The following CSN1S1 variants were observed in gnomAD, a reference collection of about 807,000 sequenced individuals.
The protein encoded by CSN1S1 is casein alpha s1, also known as alpha-S1-casein.
CSN1S1 carries 63 observed loss-of-function variants against 49.1 expected under a neutral mutation model. That is an observed-to-expected ratio of 1.28 (90% CI 1.05 to 1.58). CSN1S1 has a LOEUF of 1.58. Ranked by LOEUF, CSN1S1 falls within the 40% of genes most tolerant of loss-of-function variation. CSN1S1 has a pLI of 0.00. For missense variants in CSN1S1, 260 were observed against 224.7 expected (o/e 1.16, Z -1.01); for synonymous variants, 78 against 67.1 (o/e 1.16, Z -0.79).
rs909021917 is a variant in CSN1S1, at chr4:69,940,029, T to C, written c.285T>C (p.Ser95=). 7.1e-7 allele frequency: 1 copy of C among 1,402,550 alleles called. No individual in the cohort carries two copies. Among genetic ancestry groups the C allele is most frequent in the South Asian group, 1.4e-5 (1 of 70,906 alleles). 86.9% of individuals were successfully genotyped at this position (1,402,550 alleles called of 1,614,324 possible). A position where few individuals can be genotyped will look rare whatever the true frequency, so the allele number is the denominator to read the frequency against. ...SSISSSSEEM[S]LSKCAEQFCR... ...TTTTAATTTTTTTAAAGGAAATGTC[T>C]CTCAGTAAGTGTGCGGTAAGACATA... The change falls in exon 11 of 16, where the codon TCT becomes TCC. Residue 95 remains serine (S), a synonymous_variant. Transcript: ENST00000246891.
At chr4:69,945,425 T>C (rs1367951108) in intron 15 of CSN1S1, among the ~76,000 whole-genome samples, 1 of 152,042 alleles carries the variant, frequency 6.6e-6, no homozygotes, top group African/African-American at 2.4e-5. Flanking sequence ...TCAGTAGTCC[T>C]AAATTCAAAT....
At chr4:69,939,092 A>G in intron 9 of CSN1S1, 84 bp from the exon 10 acceptor site, 1 of 953,170 alleles carries the variant, frequency 1.0e-6, no homozygotes, top group Non-Finnish European at 1.7e-6. Context: ...CATGGTAAGC[A>G]TTTCACCATG....
intron 9 of CSN1S1, among the ~76,000 whole-genome samples, chr4:69,938,795 C>T (rs547410594): frequency 2.6e-5 from 4 of 151,780 alleles, no homozygotes; most frequent in Non-Finnish European, 3.0e-5. Flanking sequence ...GCCCCAAGGA[C>T]AGATGAGAAC....
At position 69,934,214 on chromosome 4, in the gene CSN1S1, A is replaced by T. The variant is rs1399923785; in HGVS notation, c.54A>T (p.Lys18Asn). 3.7e-6 allele frequency: 6 copies of T among 1,609,594 alleles called. No homozygotes were observed. Among genetic ancestry groups the T allele is most frequent in the Non-Finnish European group, 5.1e-6 (6 of 1,177,210 alleles). ...CLVAVALARP[K>N]LPLRYPERLQ... ...AATTCTTGCATTGTTTTTCACAGAA[A>T]CTTCCTCTTAGATACCCAGAACGCC... Residue 18 changes from lysine to asparagine, a missense_variant and splice_region_variant, in exon 3 of 16, where the codon AAA (lysine) becomes AAT (asparagine). By Grantham distance (94) the Lys-to-Asn change is moderately conservative. Coordinates refer to ENST00000246891, the MANE Select transcript of CSN1S1 (RefSeq NM_001890.2).
At chr4:69,932,433 C>A in intron 1 of CSN1S1, 111 bp from the exon 2 acceptor site, 2 of 826,354 alleles carry the variant, frequency 2.4e-6, no homozygotes, top group Non-Finnish European at 3.9e-6. Context: ...CTCCTCAAAT[C>A]AGCCTACTTT....
At chr4:69,933,519 A>G (rs1024165718) in intron 2 of CSN1S1, among the ~76,000 whole-genome samples, 19 of 151,990 alleles carry the variant, frequency 1.3e-4, no homozygotes, top group African/African-American at 4.1e-4. Flanking sequence ...CTAAGCATCA[A>G]TAGAAAGAAA....
At chr4:69,936,527 T>C (rs1179174114) in intron 6 of CSN1S1, 39 bp from the exon 7 acceptor site, 3 of 1,602,200 alleles carry the variant, frequency 1.9e-6, no homozygotes, top group Non-Finnish European at 2.6e-6. Context: ...TTTGTTTTCA[T>C]GAAAACATAT....
intron 8 of CSN1S1, 38 bp from the exon 9 acceptor site, chr4:69,937,762 T>C: frequency 6.5e-7 from 1 of 1,532,936 alleles, no homozygotes; most frequent in South Asian, 1.2e-5. Flanking sequence ...TGACTATTTG[T>C]CATGAAAAAT....
chr4:69,945,689 T>G (rs144531070), intron 15 of CSN1S1, among the ~76,000 whole-genome samples: 1 of 151,968 alleles, frequency 6.6e-6, no homozygotes, highest in Non-Finnish European at 1.5e-5. Flanking sequence ...CCTTGGTAAG[T>G]TTGGAAATTA....
At chr4:69,940,821 G>A (rs1407108801) in intron 11 of CSN1S1, among the ~76,000 whole-genome samples, 198 bp from the exon 12 acceptor site, 2 of 151,704 alleles carry the variant, frequency 1.3e-5, no homozygotes, top group African/African-American at 4.8e-5. Flanking sequence ...TCAAGAAGTT[G>A]CTTTTTAAAA....
In CSN1S1 at chr4:69,944,715, T is replaced by G. The variant is rs28592911; in HGVS notation, c.403-135T>G. On this transcript the variant is annotated intron_variant, in intron 14 of 15. Transcript: ENST00000246891. ...ACCATAGAAGATTTTGATTTATTCT[T>G]TTCCCTCACAGAGTAATCATTTTTT... The G allele has an allele frequency of 1.1e-3, 1,116 of 977,726 alleles. 9 individuals carry two copies. The African/African-American group carries it at 0.016, about 14-fold the overall frequency. The allele number at this position is 977,726 out of a possible 1,614,324, so 60.6% of individuals were successfully genotyped here. A position where few individuals can be genotyped will look rare whatever the true frequency, so the allele number is the denominator to read the frequency against.
chr4:69,937,064 T>A (rs1217585852), intron 7 of CSN1S1, 57 bp from the exon 8 acceptor site: 15 of 1,430,108 alleles, frequency 1.0e-5, no homozygotes, highest in Non-Finnish European at 1.4e-5. Flanking sequence ...CTTTATGAGA[T>A]AAAATATATA....
At chr4:69,943,273 T>A (rs925007060) in intron 14 of CSN1S1, among the ~76,000 whole-genome samples, 10 of 151,588 alleles carry the variant, frequency 6.6e-5, no homozygotes, top group African/African-American at 2.4e-4. Context: ...AACCTCTGCC[T>A]CCCGGGTTCT....
Position 69,942,666 on chromosome 4 carries a change from G to A in CSN1S1, c.402+89G>A, listed in dbSNP as rs917684376. 1.4e-5 allele frequency: 14 copies of A among 1,023,736 alleles called. No homozygotes were observed. The Admixed American group carries it at 2.2e-4, about 16-fold the overall frequency. 63.4% of individuals were successfully genotyped at this position (1,023,736 alleles called of 1,614,324 possible). On this transcript the variant is annotated intron_variant, in intron 14 of 15. Transcript: ENST00000246891. ...TTAAATAGCCCCCTACTCTTGAAGA[G>A]ATTTTTTTCTTCTCAAACATTTCTC...
intron 7 of CSN1S1, 126 bp downstream of exon 7, chr4:69,936,733 A>T: frequency 1.2e-6 from 1 of 807,488 alleles, no homozygotes; most frequent in Non-Finnish European, 1.9e-6. Flanking sequence ...TTTCACTCAT[A>T]CATTTGTAGT....
In CSN1S1 at chr4:69,937,791, T is replaced by C; in HGVS notation, c.220-9T>C. 1 of 1,590,102 alleles carries C rather than the reference T, an allele frequency of 6.3e-7. No individual in the cohort carries two copies. Among genetic ancestry groups the C allele is most frequent in the Non-Finnish European group, 8.5e-7 (1 of 1,170,646 alleles). Reference sequence around the variant, plus strand: ...GAAAAATGAAATTGATTATTTTTTCTTTCTTAAGAACTGTGTTGTGGCAGA... The same window carrying C: ...GAAAAATGAAATTGATTATTTTTTCCTTCTTAAGAACTGTGTTGTGGCAGA... On this transcript the variant is annotated splice_polypyrimidine_tract_variant and intron_variant, in intron 8 of 15. Transcript: ENST00000246891.
chr4:69,937,706 A>G (rs553866567), intron 8 of CSN1S1, 94 bp from the exon 9 acceptor site: 5 of 988,184 alleles, frequency 5.1e-6, no homozygotes, highest in African/African-American at 3.4e-5. Context: ...TCAGTTTTCT[A>G]TTTTCTTTGA....
chr4:69,935,719 G>A lies in CSN1S1; in HGVS notation c.106-207G>A, dbSNP rs3736268. On this transcript the variant is annotated intron_variant, in intron 4 of 15. Transcript: ENST00000246891. Reference sequence around the variant, plus strand: ...TCCAAAACACTCTGCTCTCCTTTCCGTGACGTATGTAGAGGTTTACAATTT... The same window carrying A: ...TCCAAAACACTCTGCTCTCCTTTCCATGACGTATGTAGAGGTTTACAATTT... Among the ~76,000 whole-genome samples the A allele has an allele frequency of 3.6e-3, 543 of 152,060 alleles. 7 individuals are homozygous for A. The East Asian group carries it at 0.038, about 11-fold the overall frequency.
chr4:69,931,963 G>A (rs1722620796), intron 1 of CSN1S1, among the ~76,000 whole-genome samples: 1 of 151,742 alleles, frequency 6.6e-6, no homozygotes, highest in Non-Finnish European at 1.5e-5. Flanking sequence ...AGCAAAACAC[G>A]AAGTTATGGC....
Sources: gnomAD v4.1 joint callset for allele counts (sites outside exome capture counted in the v4.1 genomes callset) on GRCh38, gnomAD v4.1.1 for gene constraint, MANE v1.5 for transcripts, NCBI Gene and HGNC (gene_info 2026-07-23, HGNC 2026-07-21) for gene names.